Variants in SBF2 observed in about 807,000 individuals in gnomAD.
SBF2 encodes myotubularin-related protein 13.
Under a neutral mutation model 225.2 loss-of-function variants are expected in SBF2, and 112 were observed. That is an observed-to-expected ratio of 0.50 (90% CI 0.43 to 0.58). The LOEUF is 0.58. Ranked by LOEUF, SBF2 falls within the 20% of genes least tolerant of loss-of-function variation. The pLI is 0.00. For synonymous variants in SBF2, 763 were observed against 773.3 expected (o/e 0.99, Z 0.22); for missense variants, 1,996 against 2,206.2 (o/e 0.90, Z 1.91).
At chr11:9,817,505 T>C (rs1854514561) in intron 28 of SBF2, among the ~76,000 whole-genome samples, 1 of 152,166 alleles carries the variant, frequency 6.6e-6, no homozygotes, top group South Asian at 2.1e-4. Flanking sequence ...ATAAGTCTAC[T>C]AAAATCTGAA....
chr11:10,054,257 G>A (rs1950169507), intron 2 of SBF2, among the ~76,000 whole-genome samples: 1 of 152,150 alleles, frequency 6.6e-6, no homozygotes, highest in South Asian at 2.1e-4. Context: ...ATGATTGTCT[G>A]CCTAGAGAAT....
chr11:10,085,595 C>T (rs545110508), intron 2 of SBF2, among the ~76,000 whole-genome samples: 3 of 152,098 alleles, frequency 2.0e-5, no homozygotes, highest in South Asian at 2.1e-4. Flanking sequence ...TTTGAACATT[C>T]GGTATGAACA....
At chr11:10,114,400 A>C (rs1360311581) in intron 2 of SBF2, among the ~76,000 whole-genome samples, 1 of 152,012 alleles carries the variant, frequency 6.6e-6, no homozygotes, top group Admixed American at 6.6e-5. Flanking sequence ...CTGGTTCTAA[A>C]ACTCCTATTA....
intron 2 of SBF2, among the ~76,000 whole-genome samples, chr11:10,045,678 T>C (rs574997198): frequency 1.4e-4 from 21 of 152,324 alleles, no homozygotes; most frequent in African/African-American, 4.8e-4. Flanking sequence ...TCAATGAATA[T>C]TATGCACAAG....
intron 2 of SBF2, among the ~76,000 whole-genome samples, chr11:10,168,633 C>A (rs1014283652): frequency 2.6e-5 from 4 of 152,120 alleles, no homozygotes; most frequent in Non-Finnish European, 5.9e-5. Context: ...TTTAAAGAGG[C>A]CAGAATCAGT....
At chr11:9,960,049 T>C (rs1014869864) in intron 16 of SBF2, 19 of 260,734 alleles carry the variant, frequency 7.3e-5, no homozygotes, top group African/African-American at 1.6e-4. Flanking sequence ...TCAGTGGCTA[T>C]TGATAGGCGC....
chr11:10,200,776 A>G (rs990994465), intron 1 of SBF2, among the ~76,000 whole-genome samples: 9 of 152,230 alleles, frequency 5.9e-5, no homozygotes, highest in African/African-American at 1.2e-4. Flanking sequence ...CAAACTCTCA[A>G]TAAAAACAAT....
At chr11:10,200,233 T>C (rs1413692061) in intron 1 of SBF2, among the ~76,000 whole-genome samples, 4 of 152,148 alleles carry the variant, frequency 2.6e-5, no homozygotes, top group African/African-American at 7.2e-5. Context: ...TTTTCCCCCA[T>C]ATAAAAAATG....
chr11:10,277,379 G>A (rs1963043732), intron 1 of SBF2, among the ~76,000 whole-genome samples: 1 of 152,182 alleles, frequency 6.6e-6, no homozygotes, highest in East Asian at 1.9e-4. Flanking sequence ...TGTTGTGGGA[G>A]TGATTCCTAT....
chr11:10,087,921 T>C (rs1233588159), intron 2 of SBF2, among the ~76,000 whole-genome samples: 2 of 152,214 alleles, frequency 1.3e-5, no homozygotes, highest in East Asian at 3.8e-4. Context: ...AATGATTTTG[T>C]TGCAGGTGTT....
At chr11:10,082,559 C>T (rs1179621295) in intron 2 of SBF2, among the ~76,000 whole-genome samples, 5 of 151,970 alleles carry the variant, frequency 3.3e-5, no homozygotes, top group African/African-American at 7.3e-5. Context: ...GTTTTATTCC[C>T]GGGATGCAAA....
At chr11:10,165,405 T>A (rs1472264127) in intron 2 of SBF2, among the ~76,000 whole-genome samples, 1 of 152,136 alleles carries the variant, frequency 6.6e-6, no homozygotes, top group African/African-American at 2.4e-5. Flanking sequence ...ACAGCTAACA[T>A]CCCTAAAAAT....
In SBF2 at chr11:9,842,631, C is replaced by T. The variant is rs1331366931; in HGVS notation, c.3250G>A (p.Val1084Ile). The T allele has an allele frequency of 3.1e-6, 5 of 1,613,912 alleles. No homozygotes were observed. The highest frequency in any genetic ancestry group is 3.3e-5 in the Admixed American group (2 of 60,012). The change falls in exon 25 of 40, where the codon GTA (valine) becomes ATA (isoleucine). Residue 1084 changes from valine (V) to isoleucine (I), a missense_variant. Coordinates refer to ENST00000256190, the MANE Select transcript of SBF2 (RefSeq NM_030962.4). Reference sequence around the variant, plus strand: ...AATTCAAGTTTTCACATACCAGATACATCATCATCTTCATTCCATCCAGGA... The same window carrying T: ...AATTCAAGTTTTCACATACCAGATATATCATCATCTTCATTCCATCCAGGA... ...NRPGWNEDDD[V>I]SVSDESELPT...
chr11:10,187,246 A>G (rs35639632), intron 2 of SBF2, among the ~76,000 whole-genome samples: 14,684 of 151,888 alleles, frequency 0.097, 942 homozygotes, highest in Middle Eastern at 0.16. Flanking sequence ...ATTTTTCTGT[A>G]GGTGATTTAA....
At chr11:10,141,946 G>C (rs1186190974) in intron 2 of SBF2, among the ~76,000 whole-genome samples, 1 of 152,122 alleles carries the variant, frequency 6.6e-6, no homozygotes, top group African/African-American at 2.4e-5. Flanking sequence ...AGAAGTAAAA[G>C]CTATCCATCC....
intron 2 of SBF2, among the ~76,000 whole-genome samples, chr11:10,181,587 T>A (rs926262692): frequency 6.6e-6 from 1 of 152,140 alleles, no homozygotes; most frequent in African/African-American, 2.4e-5. Flanking sequence ...AATTAATCTA[T>A]GAAATTGTGA....
chr11:10,164,440 C>G (rs1055350965), intron 2 of SBF2, among the ~76,000 whole-genome samples: 1 of 152,070 alleles, frequency 6.6e-6, no homozygotes, highest in Non-Finnish European at 1.5e-5. Flanking sequence ...ATCACATTTC[C>G]TATTCAAAAG....
chr11:9,969,656 A>G (rs981036164), intron 13 of SBF2, among the ~76,000 whole-genome samples: 1 of 152,150 alleles, frequency 6.6e-6, no homozygotes, highest in Non-Finnish European at 1.5e-5. Context: ...TTCTTAGCTC[A>G]AAAGCCACCT....
chr11:10,129,994 A>G (rs1295009188), intron 2 of SBF2, among the ~76,000 whole-genome samples: 1 of 152,150 alleles, frequency 6.6e-6, no homozygotes, highest in Admixed American at 6.5e-5. Context: ...TGGGTGAAAG[A>G]AGGAGACCCC....
Sources: allele counts gnomAD v4.1 joint callset (sites outside exome capture counted in the v4.1 genomes callset), GRCh38; gene constraint gnomAD v4.1.1; transcripts MANE v1.5; gene names NCBI Gene and HGNC (gene_info 2026-07-23, HGNC 2026-07-21).